The following NRCAM variants were observed in gnomAD, a reference collection of about 807,000 sequenced individuals.
The protein encoded by NRCAM is neuronal cell adhesion molecule.
In NRCAM, 83 loss-of-function variants were observed where a neutral mutation model predicts 156.5. The observed-to-expected ratio is 0.53, with a 90% CI of 0.44 to 0.64. NRCAM has a LOEUF of 0.64. Ranked by LOEUF, NRCAM falls within the 30% of genes least tolerant of loss-of-function variation. The pLI, the probability that NRCAM is intolerant of heterozygous loss-of-function variation, is 0.00. For synonymous variants in NRCAM, 538 were observed against 563.9 expected (o/e 0.95, Z 0.65); for missense variants, 1,417 against 1,597.3 (o/e 0.89, Z 1.92).
intron 3 of NRCAM, among the ~76,000 whole-genome samples, chr7:108,269,412 AGTTT>A (rs2097254031): frequency 1.3e-5 from 2 of 151,988 alleles, no homozygotes; most frequent in Admixed American, 1.3e-4. Flanking sequence ...AAATATAGTG[AGTTT>A]GTTTGGTGAC....
At chr7:108,257,014 A>AAAAAG (rs2096702684) in intron 3 of NRCAM, among the ~76,000 whole-genome samples, 1 of 137,062 alleles carries the variant, frequency 7.3e-6, no homozygotes. Flanking sequence ...CGAAAAAAAA[A>AAAAAG]AAAAAGAAAA....
Position 108,178,040 on chromosome 7 carries a change from G to A in NRCAM, c.2924C>T (p.Pro975Leu), listed in dbSNP as rs1038783254. The stretch of plus-strand genomic sequence containing the variant: ...TGTCAAAATGCCATTCGGGTGGCTC[G>A]GTGGATCCCATTCCAAAGTGAGAGA... ...LDSLTLEWDPPSHPNGILTEY... is the reference protein window; with the variant it reads ...LDSLTLEWDPLSHPNGILTEY... The change falls in exon 26 of 33, where the codon CCG becomes CTG. Residue 975 changes from proline to leucine, a missense_variant. Coordinates refer to ENST00000379028, the MANE Select transcript of NRCAM (RefSeq NM_001037132.4). 3.7e-6 allele frequency: 6 copies of A among 1,613,382 alleles called. No individual in the cohort carries two copies. Among genetic ancestry groups the A allele is most frequent in the Non-Finnish European group, 5.1e-6 (6 of 1,179,556 alleles).
chr7:108,210,935 G>A (rs1345762662), intron 11 of NRCAM, among the ~76,000 whole-genome samples: 1 of 152,188 alleles, frequency 6.6e-6, no homozygotes, highest in East Asian at 1.9e-4. Context: ...TGGCAGATGG[G>A]AGGCAGAACT....
intron 2 of NRCAM, among the ~76,000 whole-genome samples, chr7:108,368,323 G>A (rs1309960506): frequency 6.8e-6 from 1 of 147,210 alleles, no homozygotes; most frequent in African/African-American, 2.5e-5. Context: ...CAGAAGTATG[G>A]GTGAAAATTT....
intron 2 of NRCAM, among the ~76,000 whole-genome samples, chr7:108,380,552 A>G (rs1011953522): frequency 1.3e-5 from 2 of 152,212 alleles, no homozygotes; most frequent in Admixed American, 1.3e-4. Context: ...AATGGTAAGC[A>G]TACTTTACAG....
intron 3 of NRCAM, among the ~76,000 whole-genome samples, chr7:108,312,293 G>C (rs967797559): frequency 6.6e-6 from 1 of 152,100 alleles, no homozygotes; most frequent in Non-Finnish European, 1.5e-5. Flanking sequence ...GAATCAAAAA[G>C]AAAATTATTT....
At chr7:108,186,828 C>A (rs2067129430) in intron 20 of NRCAM, among the ~76,000 whole-genome samples, 1 of 152,038 alleles carries the variant, frequency 6.6e-6, no homozygotes, top group African/African-American at 2.4e-5. Flanking sequence ...GATTGGACAC[C>A]ACCTTCCACA....
chr7:108,199,635 T>C (rs2076910894), intron 13 of NRCAM, among the ~76,000 whole-genome samples: 1 of 152,192 alleles, frequency 6.6e-6, no homozygotes, highest in African/African-American at 2.4e-5. Flanking sequence ...CTCTGATCAT[T>C]CTTCCATAGT....
chr7:108,385,827 T>TTTACAATTTATGTTTACAGCAG (rs1255293219), intron 2 of NRCAM, among the ~76,000 whole-genome samples: 8 of 152,060 alleles, frequency 5.3e-5, no homozygotes, highest in African/African-American at 1.7e-4. Flanking sequence ...TAAGTATATC[T>TTTACAATTTATGTTTACAGCAG]TTACAATTTA....
intron 11 of NRCAM, among the ~76,000 whole-genome samples, chr7:108,214,191 C>A (rs2086446127): frequency 6.6e-6 from 1 of 152,118 alleles, no homozygotes; most frequent in African/African-American, 2.4e-5. Flanking sequence ...CTTTTTGTAC[C>A]TCTGGTAGAA....
chr7:108,295,218 T>G (rs369574757), intron 3 of NRCAM, among the ~76,000 whole-genome samples: 21 of 152,284 alleles, frequency 1.4e-4, no homozygotes, highest in African/African-American at 5.0e-4. Context: ...GGGCTCGCTC[T>G]GTACTAGGCA....
At chr7:108,417,915 C>A (rs1243100972) in intron 1 of NRCAM, among the ~76,000 whole-genome samples, 2 of 152,182 alleles carry the variant, frequency 1.3e-5, no homozygotes, top group Admixed American at 6.5e-5. Context: ...ACAAAGTGGG[C>A]AACAATTCTC....
At chr7:108,362,557 T>C (rs1390681212) in intron 2 of NRCAM, among the ~76,000 whole-genome samples, 1 of 152,180 alleles carries the variant, frequency 6.6e-6, no homozygotes, top group Non-Finnish European at 1.5e-5. Flanking sequence ...TTTAGAAATA[T>C]GGACTAACAA....
chr7:108,281,595 A>C (rs1348837147), intron 3 of NRCAM, among the ~76,000 whole-genome samples: 5 of 152,238 alleles, frequency 3.3e-5, no homozygotes, highest in African/African-American at 1.2e-4. Flanking sequence ...CTGGCTGCCC[A>C]GGAGCTAAGG....
intron 1 of NRCAM, among the ~76,000 whole-genome samples, chr7:108,422,066 T>G (rs750374031): frequency 1.3e-5 from 2 of 152,164 alleles, no homozygotes; most frequent in Non-Finnish European, 2.9e-5. Flanking sequence ...GCAAAATACA[T>G]TTCATTGATA....
At chr7:108,341,445 AGTTGTG>A (rs2099276196) in intron 2 of NRCAM, among the ~76,000 whole-genome samples, 3 of 152,158 alleles carry the variant, frequency 2.0e-5, no homozygotes, top group Non-Finnish European at 4.4e-5. Context: ...CCAGCCACTA[AGTTGTG>A]ACTGGGGAAC....
chr7:108,412,664 T>C (rs1796868092), intron 1 of NRCAM, among the ~76,000 whole-genome samples: 1 of 152,156 alleles, frequency 6.6e-6, no homozygotes, highest in Non-Finnish European at 1.5e-5. Flanking sequence ...CTAACTTGTT[T>C]TGTATCCTTT....
rs1045472673 is a variant in NRCAM at position 108,447,704 on chromosome 7, C to A, written c.-332+8539G>T. On this transcript the variant is annotated intron_variant, in intron 1 of 32. Coordinates refer to ENST00000379028, the MANE Select transcript of NRCAM (RefSeq NM_001037132.4). ...ACTGAAATAACTTTAGCTTTCAATT[C>A]TTAGTAAATTCTTCTCAATACATTT... Among the ~76,000 whole-genome samples the A allele has an allele frequency of 3.9e-5, 6 of 152,246 alleles. No individual in the cohort carries two copies. In the South Asian group the frequency reaches 1.2e-3, roughly 32 times the overall value.
At chr7:108,362,061 CTT>C (rs2099555845) in intron 2 of NRCAM, among the ~76,000 whole-genome samples, 2 of 152,154 alleles carry the variant, frequency 1.3e-5, no homozygotes, top group South Asian at 4.1e-4. Flanking sequence ...ACCCAGATGT[CTT>C]TTAATAGATG....
Sources: gnomAD v4.1 joint callset for allele counts (sites outside exome capture counted in the v4.1 genomes callset) on GRCh38, gnomAD v4.1.1 for gene constraint, MANE v1.5 for transcripts, NCBI Gene and HGNC (gene_info 2026-07-23, HGNC 2026-07-21) for gene names.